Variants in LMF1 observed in about 807,000 individuals in gnomAD.
LMF1 encodes transmembrane protein 112.
A neutral mutation model predicts 60.6 loss-of-function variants in LMF1; 68 were observed. The observed-to-expected ratio is 1.12, with a 90% CI of 0.92 to 1.37. The LOEUF is 1.37. LMF1 is among the 40% of genes most tolerant of loss of function. LMF1 has a pLI of 0.00. For synonymous variants in LMF1, 418 were observed against 324.7 expected (o/e 1.29, Z -3.09); for missense variants, 948 against 767.2 (o/e 1.24, Z -2.78).
chr16:862,288 C>T (rs1004543890), intron 10 of LMF1, among the ~76,000 whole-genome samples: 2 of 151,648 alleles, frequency 1.3e-5, no homozygotes, highest in African/African-American at 4.8e-5. Flanking sequence ...GGATTATAGG[C>T]AGCCACCACC....
intron 5 of LMF1, among the ~76,000 whole-genome samples, chr16:886,455 C>T (rs915604330): frequency 6.6e-5 from 10 of 152,212 alleles, no homozygotes; most frequent in South Asian, 4.1e-4. Context: ...TGCCAGGGCA[C>T]GGGCCTGGGG....
chr16:927,804 G>A (rs760002222), intron 3 of LMF1, among the ~76,000 whole-genome samples: 1 of 152,200 alleles, frequency 6.6e-6, no homozygotes. Flanking sequence ...TTTAAGAGCC[G>A]CAAGGGTGAA....
intron 2 of LMF1, among the ~76,000 whole-genome samples, chr16:951,293 C>A (rs1431298733): frequency 6.6e-6 from 1 of 151,690 alleles, no homozygotes; most frequent in Non-Finnish European, 1.5e-5. Flanking sequence ...CAGCCAAGGA[C>A]AGAGTCAGAG....
chr16:948,365 C>G (rs1334256144), intron 2 of LMF1, among the ~76,000 whole-genome samples: 1 of 147,796 alleles, frequency 6.8e-6, no homozygotes, highest in Non-Finnish European at 1.5e-5. Context: ...GAGTCAGAGC[C>G]AACGACAGAG....
intron 2 of LMF1, among the ~76,000 whole-genome samples, chr16:951,084 CGACAGAGTCAGAGCCAATGACAG>C (rs2072450133): frequency 1.0e-5 from 1 of 96,386 alleles, no homozygotes; most frequent in Non-Finnish European, 1.9e-5. Context: ...AGTCAGCCAA[CGACAGAGTCAGAGCCAATGACAG>C]AGTCAGCCAA....
chr16:950,839 TGACAGAGTCAGAGCCAAC>T (rs2072438708), intron 2 of LMF1, among the ~76,000 whole-genome samples: 1 of 41,928 alleles, frequency 2.4e-5, no homozygotes, highest in Non-Finnish European at 3.8e-5. Flanking sequence ...AGTCAGCCAA[TGACAGAGTCAGAGCCAAC>T]GACAGAGTCA....
intron 5 of LMF1, among the ~76,000 whole-genome samples, chr16:882,674 A>G (rs1390277304): frequency 6.6e-6 from 1 of 151,954 alleles, no homozygotes; most frequent in African/African-American, 2.4e-5. Context: ...GGACCAGGAG[A>G]AAGAGAAGCC....
In LMF1 at chr16:935,571, T is replaced by TAA. The variant is rs10674839; in HGVS notation, c.504-1319_504-1318dup. Reference sequence around the variant, plus strand: ...CTAACACTAGTGACAGCTGATGAGCTAAAAAAAAAAAAACTCATAATGTTT... The same window carrying TAA: ...CTAACACTAGTGACAGCTGATGAGCTAAAAAAAAAAAAAAACTCATAATGTTT... On this transcript the variant is annotated intron_variant, in intron 2 of 10. Transcript: ENST00000262301. Among the ~76,000 whole-genome samples the TAA allele has an allele frequency of 1.7e-3, 248 of 142,404 alleles. 2 individuals are homozygous for TAA. Among genetic ancestry groups the TAA allele is most frequent in the African/African-American group, 6.2e-3 (234 of 37,884 alleles). 93.4% of individuals were successfully genotyped at this position (142,404 alleles called of 152,430 possible). A position where few individuals can be genotyped will look rare whatever the true frequency, so the allele number is the denominator to read the frequency against.
At chr16:932,086 G>T (rs888009382) in intron 3 of LMF1, among the ~76,000 whole-genome samples, 1 of 152,324 alleles carries the variant, frequency 6.6e-6, no homozygotes, top group South Asian at 2.1e-4. Context: ...GGTTGGGGAC[G>T]CGGGAGGCTG....
At chr16:854,856 C>A (rs969921977) in intron 10 of LMF1, 150 bp from the exon 11 acceptor site, 2 of 731,202 alleles carry the variant, frequency 2.7e-6, no homozygotes, top group African/African-American at 1.7e-5. Flanking sequence ...CACAGGTAGA[C>A]CCCCAGCAGA....
chr16:893,276 G>A, intron 4 of LMF1: 1 of 672,860 alleles, frequency 1.5e-6, no homozygotes, highest in Non-Finnish European at 2.7e-6. Flanking sequence ...TTTGAGGACA[G>A]GAGTTTAGTG....
intron 5 of LMF1, among the ~76,000 whole-genome samples, chr16:889,361 T>C (rs573592572): frequency 1.2e-4 from 17 of 146,096 alleles, no homozygotes; most frequent in African/African-American, 4.4e-4. Flanking sequence ...AGGCTGCGGA[T>C]GGCCATGGGT....
intron 10 of LMF1, among the ~76,000 whole-genome samples, chr16:861,816 A>G (rs147990416): frequency 6.6e-6 from 1 of 152,288 alleles, no homozygotes; most frequent in Non-Finnish European, 1.5e-5. Flanking sequence ...TTCCAGCACC[A>G]TGCCGGATCC....
chr16:889,702 G>A (rs2070420993), intron 5 of LMF1, among the ~76,000 whole-genome samples: 1 of 152,180 alleles, frequency 6.6e-6, no homozygotes, highest in Non-Finnish European at 1.5e-5. Flanking sequence ...TGGGGCAGAG[G>A]GCACGGCTCG....
chr16:931,906 A>G, intron 3 of LMF1: 2 of 869,524 alleles, frequency 2.3e-6, no homozygotes, highest in Non-Finnish European at 3.2e-6. Flanking sequence ...ACCACCTGCT[A>G]CCGAAGAATC....
intron 3 of LMF1, among the ~76,000 whole-genome samples, chr16:927,967 T>C (rs574463108): frequency 1.5e-4 from 23 of 152,078 alleles, no homozygotes; most frequent in Admixed American, 4.6e-4. Context: ...GGTGGGGAAG[T>C]TTCCCGCTTG....
upstream of LMF1, among the ~76,000 whole-genome samples, chr16:975,439 C>T (rs2073116553): frequency 6.6e-6 from 1 of 152,226 alleles, no homozygotes; most frequent in Non-Finnish European, 1.5e-5. Flanking sequence ...GTGCAGTTAT[C>T]AGTCACCGTG....
At position 854,612 on chromosome 16, in the gene LMF1, C is replaced by T; in HGVS notation, c.1624G>A (p.Ala542Thr). 1 of 1,606,536 alleles carries T rather than the reference C, an allele frequency of 6.2e-7. No homozygotes were observed. The highest frequency in any genetic ancestry group is 8.5e-7 in the Non-Finnish European group (1 of 1,178,036). Reference protein sequence around the residue: ...GKWWVRKRIGAYFPPLSLEEL... With the variant: ...GKWWVRKRIGTYFPPLSLEEL... ...TCCAGGCTGAGCGGAGGGAAGTAGG[C>T]TCCGATCCTCTTCCGCACCCACCAC... Residue 542 changes from alanine (A) to threonine (T), a missense_variant, in exon 11 of 11, where the codon GCC becomes ACC. By Grantham distance (58) the Ala-to-Thr change is moderately conservative. Coordinates refer to ENST00000262301, the MANE Select transcript of LMF1 (RefSeq NM_022773.4).
In LMF1 at chr16:979,700, A is replaced by T. The variant is rs1197291929; in HGVS notation, c.-135+1445T>A. The stretch of plus-strand genomic sequence containing the variant: ...TAATGCAACTGCTTTTCTTTGGCAA[A>T]GAGAGCTCTCCACGGAGGTCCTCAC... On this transcript the variant is annotated intron_variant, in intron 1 of 6. Coordinates refer to the LMF1 transcript ENST00000570014. The T allele has an allele frequency of 8.8e-6, 4 of 454,010 alleles. No individual in the cohort carries two copies. The Admixed American group carries it at 9.4e-5, about 11-fold the overall frequency. The allele number at this position is 454,010 out of a possible 1,614,324, so 28.1% of individuals were successfully genotyped here.
Sources: gnomAD v4.1 joint callset for allele counts (sites outside exome capture counted in the v4.1 genomes callset) on GRCh38, gnomAD v4.1.1 for gene constraint, MANE v1.5 for transcripts, NCBI Gene and HGNC (gene_info 2026-07-23, HGNC 2026-07-21) for gene names.